SNTB2: variants seen among roughly 807,000 people sequenced by gnomAD.
SNTB2 encodes the protein beta-2-syntrophin.
Under a neutral mutation model 46.2 loss-of-function variants are expected in SNTB2, and 34 were observed. The ratio of observed to expected loss-of-function variants is 0.74; its 90% CI spans 0.56 to 0.98. The LOEUF (loss-of-function observed/expected upper bound fraction) is 0.98. SNTB2 is among the 50% of genes least tolerant of loss of function. The probability of loss-of-function intolerance (pLI) is 0.00; values close to 1 mark genes in which losing one functional copy is unlikely to be tolerated. For missense variants in SNTB2, 603 were observed against 731.4 expected, an observed-to-expected ratio of 0.82 and a Z score of 2.02; for synonymous variants, 290 against 312.6, an observed-to-expected ratio of 0.93 and a Z score of 0.76.
In SNTB2 at chr16:69,190,554, A is replaced by C. The variant is rs1964039944; in HGVS notation, c.580+2808A>C. Among the ~76,000 whole-genome samples the C allele has an allele frequency of 2.0e-5, 3 of 152,312 alleles. No homozygotes were observed. In the South Asian group the frequency reaches 6.2e-4, roughly 32 times the overall value. On this transcript the variant is annotated intron_variant, in intron 1 of 6. Coordinates refer to ENST00000336278, the MANE Select transcript of SNTB2 (RefSeq NM_006750.4). ...GCAGAGGGCTAAAAGTGCTGTTTTAATAGAAGTTTGCACAACCCAAAGGAG... is the reference window on the plus strand; with the variant it reads ...GCAGAGGGCTAAAAGTGCTGTTTTACTAGAAGTTTGCACAACCCAAAGGAG...
chr16:69,309,052 A>G lies in SNTB2; in HGVS notation c.*8128A>G, dbSNP rs1459093745. 3.3e-5 allele frequency: 5 copies of G among 149,774 alleles called. No homozygotes were observed. Among genetic ancestry groups the G allele is most frequent in the Non-Finnish European group, 6.0e-5 (4 of 66,716 alleles). 9.3% of individuals were successfully genotyped at this position (149,774 alleles called of 1,614,324 possible). On this transcript the variant is annotated 3_prime_UTR_variant, in exon 7 of 7. Transcript: ENST00000336278. ...TGTAAATAAAAAAGTTGCTTTAGTC[A>G]CGTGGGTTGTTTTTTTTTTCCAATT... is the stretch of plus-strand genomic sequence containing the variant.
At position 69,187,321 on chromosome 16, in the gene SNTB2, G is replaced by A; in HGVS notation, c.155G>A (p.Gly52Asp). 1.4e-6 allele frequency: 2 copies of A among 1,455,938 alleles called. No homozygotes were observed. The highest frequency in any genetic ancestry group is 2.6e-5 in the South Asian group (2 of 75,568). 90.2% of individuals were successfully genotyped at this position (1,455,938 alleles called of 1,614,324 possible). The change falls in exon 1 of 7, where the codon GGC (glycine) becomes GAC (aspartate). Residue 52 changes from glycine (G) to aspartate (D), a missense_variant. Coordinates refer to ENST00000336278, the MANE Select transcript of SNTB2 (RefSeq NM_006750.4). ...ELSGESLSLT[G>D]DAAAAELEPA... ...AGCGGGGAGAGCCTGAGCCTGACGG[G>A]CGACGCCGCCGCGGCCGAGCTGGAG...
chr16:69,187,848 C>A, intron 1 of SNTB2, 102 bp downstream of exon 1: 1 of 944,210 alleles, frequency 1.1e-6, no homozygotes, highest in African/African-American at 1.7e-5. Flanking sequence ...GGTTCTCTCC[C>A]CGTCTCTCTC....
In SNTB2 at chr16:69,187,313, C is replaced by T; in HGVS notation, c.147C>T (p.Ser49=). Residue 49 remains serine (S), a synonymous_variant, in exon 1 of 7, where the codon AGC becomes AGT. Transcript: ENST00000336278. ...CCGAGCTGAGCGGGGAGAGCCTGAG[C>T]CTGACGGGCGACGCCGCCGCGGCCG... ...VVAELSGESL[S]LTGDAAAAEL... is the part of the protein sequence containing the mutation. 6.8e-7 allele frequency: 1 copy of T among 1,463,514 alleles called. No individual in the cohort carries two copies. The highest frequency in any genetic ancestry group is 1.3e-5 in the South Asian group (1 of 76,344). 90.7% of individuals were successfully genotyped at this position (1,463,514 alleles called of 1,614,324 possible). A position where few individuals can be genotyped will look rare whatever the true frequency, so the allele number is the denominator to read the frequency against.
In SNTB2 at chr16:69,300,953, C is replaced by T; in HGVS notation, c.*29C>T. On this transcript the variant is annotated 3_prime_UTR_variant, in exon 7 of 7. Transcript: ENST00000336278. ...ACAAAAAATCAGAAAAGAGCCTTGA[C>T]TGTCACAAGAAATATTTCCACCTCA... is the stretch of plus-strand genomic sequence containing the variant. 3.6e-6 allele frequency: 5 copies of T among 1,373,688 alleles called. No homozygotes were observed. The highest frequency in any genetic ancestry group is 5.2e-6 in the Non-Finnish European group (5 of 967,770). 85.1% of individuals were successfully genotyped at this position (1,373,688 alleles called of 1,614,324 possible). A position where few individuals can be genotyped will look rare whatever the true frequency, so the allele number is the denominator to read the frequency against.
intron 5 of SNTB2, among the ~76,000 whole-genome samples, chr16:69,285,724 C>T (rs1160992561): frequency 6.7e-6 from 1 of 150,334 alleles, no homozygotes; most frequent in Non-Finnish European, 1.5e-5. Context: ...CTCTTGGCCT[C>T]AAGAGATCCT....
intron 1 of SNTB2, among the ~76,000 whole-genome samples, chr16:69,216,214 AC>A (rs1350856457): frequency 6.6e-6 from 1 of 152,122 alleles, no homozygotes; most frequent in Non-Finnish European, 1.5e-5. Flanking sequence ...TTTACCATGT[AC>A]TCTGTCAATT....
At chr16:69,255,983 C>A (rs570462772) in intron 2 of SNTB2, among the ~76,000 whole-genome samples, 4 of 151,162 alleles carry the variant, frequency 2.6e-5, no homozygotes, top group Admixed American at 2.6e-4. Flanking sequence ...GTCAGGAGTT[C>A]GAGACCAGCC....
In SNTB2 at chr16:69,223,191, A is replaced by AT. The variant is rs548334873; in HGVS notation, c.581-22393dup. Among the ~76,000 whole-genome samples, 1,019 of 135,080 alleles carry AT rather than the reference A, an allele frequency of 7.5e-3. 3 individuals carry two copies. The highest frequency in any genetic ancestry group is 0.019 in the African/African-American group (722 of 37,150). The allele number at this position is 135,080 out of a possible 152,430, so 88.6% of individuals were successfully genotyped here. ...TGCATAACCATTATCAAAACTAAGA[A>AT]TTTTTTTTTTTTTTTTTTGATACAG... On this transcript the variant is annotated intron_variant, in intron 1 of 6. Coordinates refer to ENST00000336278, the MANE Select transcript of SNTB2 (RefSeq NM_006750.4).
At chr16:69,254,999 A>AT (rs1436018154) in intron 2 of SNTB2, among the ~76,000 whole-genome samples, 2 of 152,024 alleles carry the variant, frequency 1.3e-5, no homozygotes, top group African/African-American at 4.8e-5. Context: ...GTGTAGTCTC[A>AT]TTCTTCTTGC....
At chr16:69,214,050 C>T (rs1054215538) in intron 1 of SNTB2, among the ~76,000 whole-genome samples, 24 of 150,902 alleles carry the variant, frequency 1.6e-4, no homozygotes, top group African/African-American at 5.6e-4. Context: ...GTCTTGAACT[C>T]CTGACCTCGT....
intron 4 of SNTB2, among the ~76,000 whole-genome samples, chr16:69,279,918 T>C (rs1361325122): frequency 2.0e-5 from 3 of 152,030 alleles, no homozygotes; most frequent in South Asian, 4.1e-4. Flanking sequence ...GAGGGGGATT[T>C]GGCAGGGTCA....
At chr16:69,249,835 A>C (rs1964708482) in intron 2 of SNTB2, among the ~76,000 whole-genome samples, 1 of 152,280 alleles carries the variant, frequency 6.6e-6, no homozygotes, top group Non-Finnish European at 1.5e-5. Context: ...GCAGTGGCTA[A>C]CACCTGTAAT....
intron 1 of SNTB2, among the ~76,000 whole-genome samples, chr16:69,244,288 G>A (rs919026145): frequency 6.6e-6 from 1 of 152,106 alleles, no homozygotes; most frequent in African/African-American, 2.4e-5. Flanking sequence ...GGTGCAGCAC[G>A]GTAAGCATAA....
In SNTB2 at chr16:69,187,589, C is replaced by A. The variant is rs543637268; in HGVS notation, c.423C>A (p.Leu141=). Reference sequence around the variant, plus strand: ...GCCGCGAGAACCGGATGCCGATCCTCATCTCCAAGATCTTCCCCGGGCTGG... The same window carrying A: ...GCCGCGAGAACCGGATGCCGATCCTAATCTCCAAGATCTTCCCCGGGCTGG... ...KGGRENRMPI[L]ISKIFPGLAA... The change falls in exon 1 of 7, where the codon CTC becomes CTA. Residue 141 remains leucine, a synonymous_variant. Transcript: ENST00000336278. The A allele has an allele frequency of 1.3e-6, 2 of 1,542,476 alleles. No individual in the cohort carries two copies. Among genetic ancestry groups the A allele is most frequent in the East Asian group, 5.3e-5 (2 of 37,756 alleles).
rs1965289957 is a variant in SNTB2 at position 69,303,128 on chromosome 16, A to G, written c.*2204A>G. 1 of 152,134 alleles carries G rather than the reference A, an allele frequency of 6.6e-6. No individual in the cohort carries two copies. The highest frequency in any genetic ancestry group is 2.4e-5 in the African/African-American group (1 of 41,422). The allele number at this position is 152,134 out of a possible 1,614,324, so 9.4% of individuals were successfully genotyped here. A position where few individuals can be genotyped will look rare whatever the true frequency, so the allele number is the denominator to read the frequency against. ...GTGATCCACCTGCCTTGGCCTCCCA[A>G]AGTGCTGGGATTATAGGTGTGAGCC... is the stretch of plus-strand genomic sequence containing the variant. On this transcript the variant is annotated 3_prime_UTR_variant, in exon 7 of 7. Coordinates refer to ENST00000336278, the MANE Select transcript of SNTB2 (RefSeq NM_006750.4).
chr16:69,206,071 A>G (rs1217713996), intron 1 of SNTB2, among the ~76,000 whole-genome samples: 1 of 152,150 alleles, frequency 6.6e-6, no homozygotes, highest in Non-Finnish European at 1.5e-5. Flanking sequence ...ATCATAGCTC[A>G]CAGCATCCTC....
chr16:69,259,236 ATTTTTTTTT>A (rs58387978), intron 2 of SNTB2, among the ~76,000 whole-genome samples: 2 of 69,136 alleles, frequency 2.9e-5, no homozygotes, highest in Non-Finnish European at 2.9e-5. Flanking sequence ...GGTCTTTCTG[ATTTTTTTTT>A]TTTTTTTTTT....
intron 1 of SNTB2, among the ~76,000 whole-genome samples, chr16:69,236,755 T>G (rs1014659788): frequency 4.0e-5 from 6 of 150,928 alleles, no homozygotes; most frequent in African/African-American, 1.5e-4. Flanking sequence ...CAGTGGAAAC[T>G]GAGGGGAGTA....
Sources: allele counts gnomAD v4.1 joint callset (sites outside exome capture counted in the v4.1 genomes callset), GRCh38; gene constraint gnomAD v4.1.1; transcripts MANE v1.5; gene names NCBI Gene and HGNC (gene_info 2026-07-23, HGNC 2026-07-21).